The following GTF3C1 variants were observed in gnomAD, a reference collection of about 807,000 sequenced individuals.
The protein encoded by GTF3C1 is general transcription factor 3C polypeptide 1.
GTF3C1 carries 57 observed loss-of-function variants against 226.7 expected under a neutral mutation model. The ratio of observed to expected loss-of-function variants is 0.25; its 90% CI spans 0.20 to 0.31. The LOEUF is 0.31. Ranked by LOEUF, GTF3C1 falls within the 10% of genes least tolerant of loss-of-function variation. GTF3C1 has a pLI of 1.00. For missense variants in GTF3C1, 2,217 were observed against 2,776.1 expected, an observed-to-expected ratio of 0.80 and a Z score of 4.53; for synonymous variants, 1,090 against 1,084.8, an observed-to-expected ratio of 1.00 and a Z score of -0.09.
In GTF3C1 at chr16:27,469,482, C is replaced by A; in HGVS notation, c.4883G>T (p.Gly1628Val). The A allele has an allele frequency of 6.2e-7, 1 of 1,614,162 alleles. No homozygotes were observed. ...TTTCACCTCCATGCTCCGGCGCTTG[C>A]CCCCTACACCTTCGTCCAAGTCATC... ...EEDDLDEGVG[G>V]KRRSMEVKPA... The change falls in exon 32 of 37, where the codon GGC (glycine) becomes GTC (valine). Residue 1628 changes from glycine (G) to valine (V), a missense_variant. Around this residue, in one of 12 missense-constraint regions of GTF3C1, gnomAD observed 546 missense variants for 663.0 expected, o/e 0.82. Coordinates refer to ENST00000356183, the MANE Select transcript of GTF3C1 (RefSeq NM_001520.4). This position sits in a 1 kb window ranked among gnomAD's most constrained non-coding sequence, Gnocchi z 4.5.
intron 4 of GTF3C1, among the ~76,000 whole-genome samples, chr16:27,533,870 G>A (rs995897619): frequency 6.6e-6 from 1 of 152,164 alleles, no homozygotes; most frequent in Non-Finnish European, 1.5e-5. Flanking sequence ...GCCAGACGTG[G>A]TGGCGGGCGC....
intron 1 of GTF3C1, among the ~76,000 whole-genome samples, chr16:27,546,370 T>C (rs1438171423): frequency 1.3e-5 from 2 of 151,864 alleles, no homozygotes; most frequent in Non-Finnish European, 2.9e-5. Context: ...ATTAAGTCCC[T>C]TCTTTCCCCT....
chr16:27,482,954 CA>C, intron 26 of GTF3C1, 89 bp downstream of exon 26: 1 of 1,064,096 alleles, frequency 9.4e-7, no homozygotes, highest in South Asian at 1.3e-5. Flanking sequence ...CTAAGGCTGG[CA>C]GGGGCACTGT....
intron 24 of GTF3C1, 24 bp from the exon 25 acceptor site, chr16:27,484,377 C>CA (rs758221646): frequency 1.3e-6 from 2 of 1,577,084 alleles, no homozygotes; most frequent in Non-Finnish European, 1.7e-6. Context: ...AGAGCCAAGA[C>CA]AAAAAGTCAG....
In GTF3C1 at chr16:27,512,736, G is replaced by C. The variant is rs930670429; in HGVS notation, c.974-835C>G. 5.3e-5 allele frequency among the ~76,000 whole-genome samples: 8 copies of C among 152,210 alleles called. No homozygotes were observed. In the East Asian group the frequency reaches 1.5e-3, roughly 29 times the overall value. On this transcript the variant is annotated intron_variant, in intron 6 of 36. Transcript: ENST00000356183. ...GAAAGATATACGTATATGTAGGTAA[G>C]AACTAGAAAAGGTACAAGGAAAAAT...
chr16:27,473,663 G>A (rs1477848301), intron 29 of GTF3C1, among the ~76,000 whole-genome samples: 3 of 152,370 alleles, frequency 2.0e-5, no homozygotes, highest in East Asian at 1.9e-4. Flanking sequence ...CAAGGGGACC[G>A]GGGACCGGTG....
In GTF3C1 at chr16:27,492,202, T is replaced by G; in HGVS notation, c.3151+136A>C. ...TTCCTTTCCAAGGGAGCCCCAGGGGTGCTCTGGGCCTCTGGGGAGCACTCG... is the reference window on the plus strand; with the variant it reads ...TTCCTTTCCAAGGGAGCCCCAGGGGGGCTCTGGGCCTCTGGGGAGCACTCG... On this transcript the variant is annotated intron_variant, in intron 19 of 36. Transcript: ENST00000356183. The surrounding 1 kb of genome is among the most constrained non-coding windows in gnomAD (Gnocchi z 5.0). The G allele has an allele frequency of 5.1e-6, 3 of 593,936 alleles. No homozygotes were observed. Among genetic ancestry groups the G allele is most frequent in the Non-Finnish European group, 3.0e-6 (1 of 334,798 alleles). The allele number at this position is 593,936 out of a possible 1,614,324, so 36.8% of individuals were successfully genotyped here. A position where few individuals can be genotyped will look rare whatever the true frequency, so the allele number is the denominator to read the frequency against.
chr16:27,463,576 G>T lies in GTF3C1; in HGVS notation c.5889C>A (p.Phe1963Leu). 1 of 1,601,998 alleles carries T rather than the reference G, an allele frequency of 6.2e-7. No homozygotes were observed. Among genetic ancestry groups the T allele is most frequent in the Non-Finnish European group, 8.6e-7 (1 of 1,169,046 alleles). Residue 1963 changes from phenylalanine (F) to leucine (L), a missense_variant, in exon 35 of 37, where the codon TTC becomes TTA. Around this residue, in one of 12 missense-constraint regions of GTF3C1, gnomAD observed 455 missense variants for 441.9 expected, o/e 1.03. Coordinates refer to ENST00000356183, the MANE Select transcript of GTF3C1 (RefSeq NM_001520.4). This position sits in a 1 kb window ranked among gnomAD's most constrained non-coding sequence, Gnocchi z 4.9. ...CTGCCTGGGAGATGTTGGCAGCTCC[G>T]AAACTCTCTGTGAACCCTGAGGGAA... Reference protein sequence around the residue: ...SEDPRGFTESFGAANISQAAR... With the variant: ...SEDPRGFTESLGAANISQAAR...
intron 29 of GTF3C1, among the ~76,000 whole-genome samples, chr16:27,473,957 C>T (rs566867028): frequency 2.0e-5 from 3 of 152,276 alleles, no homozygotes; most frequent in East Asian, 3.9e-4. Context: ...ATATAACTAG[C>T]GAATGGGTGT....
intron 10 of GTF3C1, among the ~76,000 whole-genome samples, chr16:27,504,759 A>T (rs949449476): frequency 2.0e-5 from 3 of 152,110 alleles, no homozygotes; most frequent in African/African-American, 7.2e-5. Flanking sequence ...ACAAAAAAAT[A>T]CAAAAATTAG....
At position 27,461,438 on chromosome 16, in the gene GTF3C1, G is replaced by A. The variant is rs1430265368; in HGVS notation, c.6242C>T (p.Ala2081Val). ...ACAGTCCAAGGTGGGCTCATAGAAA[G>A]CCATGGGGCTCTCGTCCAGGCTGGA... ...VPSSLDESPM[A>V]FYEPTLDCTL... Residue 2081 changes from alanine to valine, a missense_variant, in exon 37 of 37, where the codon GCT becomes GTT. Ala to Val is a moderately conservative substitution (Grantham distance 64). Transcript: ENST00000356183. The surrounding 1 kb of genome is among the most constrained non-coding windows in gnomAD (Gnocchi z 5.3). 1.2e-6 allele frequency: 2 copies of A among 1,614,010 alleles called. No individual in the cohort carries two copies. Among genetic ancestry groups the A allele is most frequent in the Non-Finnish European group, 1.7e-6 (2 of 1,179,916 alleles).
At chr16:27,479,640 T>G (rs1426654504) in intron 27 of GTF3C1, among the ~76,000 whole-genome samples, 1 of 152,182 alleles carries the variant, frequency 6.6e-6, no homozygotes, top group Non-Finnish European at 1.5e-5. Flanking sequence ...AGCTAATTTT[T>G]GTATTTTTAG....
chr16:27,470,007 T>A lies in GTF3C1; in HGVS notation c.4814+101A>T, dbSNP rs2087844102. 2 of 921,624 alleles carry A rather than the reference T, an allele frequency of 2.2e-6. No homozygotes were observed. The highest frequency in any genetic ancestry group is 3.4e-6 in the Non-Finnish European group (2 of 593,674). The allele number at this position is 921,624 out of a possible 1,614,324, so 57.1% of individuals were successfully genotyped here. A position where few individuals can be genotyped will look rare whatever the true frequency, so the allele number is the denominator to read the frequency against. ...CCCAGTCACTCATCTGCAACTCCCA[T>A]CCCACAAGCTCCCAGAAGGCACTGC... On this transcript the variant is annotated intron_variant, in intron 31 of 36. Transcript: ENST00000356183. The surrounding 1 kb of genome is among the most constrained non-coding windows in gnomAD (Gnocchi z 4.9).
chr16:27,545,905 A>G (rs528594277), intron 1 of GTF3C1, among the ~76,000 whole-genome samples: 25 of 152,320 alleles, frequency 1.6e-4, no homozygotes, highest in African/African-American at 5.3e-4. Flanking sequence ...CTAGAGTCCA[A>G]TGGCATGATC....
intron 4 of GTF3C1, among the ~76,000 whole-genome samples, chr16:27,534,164 G>A (rs1003489740): frequency 2.6e-5 from 4 of 152,172 alleles, no homozygotes; most frequent in Admixed American, 6.5e-5. Flanking sequence ...CTGAAGCTCC[G>A]GTTCCTGCTC....
rs2088172862 is a variant in GTF3C1, at chr16:27,488,221, C to T, written c.3700+6G>A. Reference sequence around the variant, plus strand: ...GCCCAGTAAATGAAAATGATCACCACATAACCTTTCTTCTTTCTCTTGATC... The same window carrying T: ...GCCCAGTAAATGAAAATGATCACCATATAACCTTTCTTCTTTCTCTTGATC... On this transcript the variant is annotated splice_donor_region_variant and intron_variant, in intron 23 of 36. Coordinates refer to ENST00000356183, the MANE Select transcript of GTF3C1 (RefSeq NM_001520.4). 1 of 1,612,352 alleles carries T rather than the reference C, an allele frequency of 6.2e-7. No homozygotes were observed. The highest frequency in any genetic ancestry group is 1.3e-5 in the African/African-American group (1 of 74,996).
At chr16:27,531,402 C>T (rs1336745935) in intron 5 of GTF3C1, among the ~76,000 whole-genome samples, 1 of 152,226 alleles carries the variant, frequency 6.6e-6, no homozygotes, top group Non-Finnish European at 1.5e-5. Flanking sequence ...TGGGGAAAAG[C>T]CCAGCTCAAC....
chr16:27,533,003 G>A (rs974744066), intron 5 of GTF3C1, among the ~76,000 whole-genome samples: 1 of 152,056 alleles, frequency 6.6e-6, no homozygotes, highest in African/African-American at 2.4e-5. Flanking sequence ...GTGGTGGCGG[G>A]CACCTGTAAT....
intron 32 of GTF3C1, among the ~76,000 whole-genome samples, chr16:27,467,832 C>G (rs976384344): frequency 6.6e-6 from 1 of 151,978 alleles, no homozygotes; most frequent in Non-Finnish European, 1.5e-5. Context: ...ATCATGCCGC[C>G]GCACTCCAGT....
Sources: gnomAD v4.1 joint callset for allele counts (sites outside exome capture counted in the v4.1 genomes callset) on GRCh38, gnomAD v4.1.1 for gene constraint, gnomAD v4.1.1 regional missense constraint, Gnocchi (gnomAD v3.1) non-coding constraint, MANE v1.5 for transcripts, NCBI Gene and HGNC (gene_info 2026-07-23, HGNC 2026-07-21) for gene names.